CFH: variants seen among roughly 807,000 people sequenced by gnomAD.
The protein encoded by CFH is H factor 1 (complement).
In CFH, 53 loss-of-function variants were observed where a neutral mutation model predicts 147.3. That is an observed-to-expected ratio of 0.36 (90% CI 0.29 to 0.45). The LOEUF is 0.45. CFH is among the 20% of genes least tolerant of loss of function. The pLI is 1.00. For missense variants in CFH, 1,380 were observed against 1,498.0 expected (o/e 0.92, Z 1.30); for synonymous variants, 536 against 489.4 (o/e 1.10, Z -1.26).
At chr1:196,653,876 T>C (rs559028340) in intron 1 of CFH, among the ~76,000 whole-genome samples, 2 of 152,240 alleles carry the variant, frequency 1.3e-5, no homozygotes, top group East Asian at 3.9e-4. Flanking sequence ...CACAACTTTG[T>C]ATTTAAAGCA....
At chr1:196,660,374 A>G (rs499807) in intron 1 of CFH, among the ~76,000 whole-genome samples, 13,391 of 152,234 alleles carry the variant, frequency 0.088, 1,761 homozygotes, top group African/African-American at 0.29. Flanking sequence ...CAAACCAAGG[A>G]AAGGAGTTAG....
chr1:196,726,739 T>C (rs1012039473), intron 13 of CFH, 22 bp from the exon 14 acceptor site: 2 of 1,611,320 alleles, frequency 1.2e-6, no homozygotes, highest in South Asian at 1.1e-5. Flanking sequence ...CACAATAAAC[T>C]TTTTTTGTAA....
intron 6 of CFH, among the ~76,000 whole-genome samples, chr1:196,684,432 C>T (rs748807589): frequency 1.1e-4 from 16 of 152,072 alleles, no homozygotes; most frequent in Middle Eastern, 6.8e-3. Context: ...TTCATGTTCA[C>T]TGTCAATGTA....
chr1:196,671,558 G>A (rs1667277786), intron 1 of CFH, among the ~76,000 whole-genome samples: 4 of 145,714 alleles, frequency 2.7e-5, no homozygotes. Context: ...TCAAGAATCT[G>A]GTTGGTTTCT....
rs1205258295 is a variant in CFH at position 196,726,934 on chromosome 1, T to C, written c.2230T>C (p.Cys744Arg). ...TGGAGTATGGACCCAACTTCCCCAG[T>C]GTGTGGGTGAGAATACCCTTCTTAA... ...IHGVWTQLPQ[C>R]VAIDKLKKCK... Residue 744 changes from cysteine to arginine, a missense_variant, in exon 14 of 22, where the codon TGT becomes CGT. Transcript: ENST00000367429. The C allele has an allele frequency of 6.2e-7, 1 of 1,612,568 alleles. No individual in the cohort carries two copies. The highest frequency in any genetic ancestry group is 8.5e-7 in the Non-Finnish European group (1 of 1,178,660).
chr1:196,655,153 A>G (rs1332779564), intron 1 of CFH, among the ~76,000 whole-genome samples: 2 of 152,192 alleles, frequency 1.3e-5, no homozygotes, highest in Non-Finnish European at 2.9e-5. Flanking sequence ...TTGAATTATT[A>G]TCATCTGACA....
intron 9 of CFH, among the ~76,000 whole-genome samples, chr1:196,711,978 A>C (rs182950915): frequency 1.3e-5 from 2 of 152,154 alleles, no homozygotes; most frequent in East Asian, 1.9e-4. Context: ...ATTCTAGTGA[A>C]CTCATCTTCT....
intron 9 of CFH, among the ~76,000 whole-genome samples, chr1:196,704,918 T>C (rs992798084): frequency 1.3e-5 from 2 of 152,192 alleles, no homozygotes; most frequent in African/African-American, 4.8e-5. Context: ...TGGTGTTCAG[T>C]CTTGAATCTG....
chr1:196,734,592 G>A lies in CFH; in HGVS notation c.2414-2232G>A, dbSNP rs144917199. ...ACTTTAGGGGGTTGCAGGAGGCTTTGAACTGGTTTCTTGATTTCTCATAAA... is the reference window on the plus strand; with the variant it reads ...ACTTTAGGGGGTTGCAGGAGGCTTTAAACTGGTTTCTTGATTTCTCATAAA... On this transcript the variant is annotated intron_variant, in intron 15 of 21. Coordinates refer to ENST00000367429, the MANE Select transcript of CFH (RefSeq NM_000186.4). Among the ~76,000 whole-genome samples the A allele has an allele frequency of 7.3e-4, 111 of 152,082 alleles. 1 individual carries two copies. The highest frequency in any genetic ancestry group is 2.6e-3 in the African/African-American group (106 of 41,532).
At chr1:196,739,721 C>T (rs1247355755) in intron 17 of CFH, among the ~76,000 whole-genome samples, 1 of 152,180 alleles carries the variant, frequency 6.6e-6, no homozygotes, top group Non-Finnish European at 1.5e-5. Context: ...CTGTCTTCTT[C>T]TGACCCCTCC....
intron 9 of CFH, among the ~76,000 whole-genome samples, chr1:196,691,004 C>G (rs992455183): frequency 2.0e-5 from 3 of 152,068 alleles, no homozygotes; most frequent in Admixed American, 1.3e-4. Context: ...TTCCAGCTTG[C>G]TTGTCTATGT....
intron 9 of CFH, chr1:196,700,927 C>A: frequency 2.2e-6 from 2 of 911,958 alleles, no homozygotes; most frequent in Middle Eastern, 5.6e-4. Context: ...GCTGGCACCC[C>A]ATTTCCTTCT....
At chr1:196,744,929 A>T (rs1195536438) in intron 20 of CFH, among the ~76,000 whole-genome samples, 1 of 152,026 alleles carries the variant, frequency 6.6e-6, no homozygotes, top group Non-Finnish European at 1.5e-5. Flanking sequence ...GTCTGTATTG[A>T]TCCCCTTACT....
chr1:196,682,983 TTA>T (rs1667706211), intron 6 of CFH, among the ~76,000 whole-genome samples: 2 of 77,328 alleles, frequency 2.6e-5, no homozygotes, highest in South Asian at 8.9e-4. Context: ...TTATAAAATT[TTA>T]TGTTTGACTA....
chr1:196,733,170 A>G (rs1289766080), intron 15 of CFH, among the ~76,000 whole-genome samples: 1 of 152,026 alleles, frequency 6.6e-6, no homozygotes, highest in African/African-American at 2.4e-5. Flanking sequence ...GAAGTGCCAA[A>G]CTTTGGCTTT....
rs1666521255 is a variant in CFH, at chr1:196,652,159, T to C, written c.42T>C (p.Ala14=). 1.2e-6 allele frequency: 2 copies of C among 1,611,820 alleles called. No homozygotes were observed. Among genetic ancestry groups the C allele is most frequent in the Non-Finnish European group, 1.7e-6 (2 of 1,177,988 alleles). The change falls in exon 1 of 22, where the codon GCT becomes GCC. Residue 14 remains alanine, a synonymous_variant. Coordinates refer to ENST00000367429, the MANE Select transcript of CFH (RefSeq NM_000186.4). ...AGATTATTTGCCTTATGTTATGGGC[T>C]ATTTGTGTAGCAGAAGGTAAGATTA... ...LAKIICLMLW[A]ICVAEDCNEL... is the part of the protein sequence containing the mutation.
intron 11 of CFH, among the ~76,000 whole-genome samples, chr1:196,719,511 CT>C (rs1668948418): frequency 6.6e-6 from 1 of 151,836 alleles, no homozygotes; most frequent in African/African-American, 2.4e-5. Context: ...TGTGACATTA[CT>C]TTTAAGAATA....
At chr1:196,704,935 G>A (rs1668550335) in intron 9 of CFH, among the ~76,000 whole-genome samples, 1 of 152,180 alleles carries the variant, frequency 6.6e-6, no homozygotes, top group South Asian at 2.1e-4. Flanking sequence ...TCTGAAGGAT[G>A]CCTTCATCTG....
intron 5 of CFH, 105 bp from the exon 6 acceptor site, chr1:196,679,518 T>C: frequency 1.2e-6 from 1 of 820,634 alleles, no homozygotes; most frequent in South Asian, 1.7e-5. Flanking sequence ...TTTGGTTGAC[T>C]GATTTACCTG....
Sources: gnomAD v4.1 joint callset for allele counts (sites outside exome capture counted in the v4.1 genomes callset) on GRCh38, gnomAD v4.1.1 for gene constraint, MANE v1.5 for transcripts, NCBI Gene and HGNC (gene_info 2026-07-23, HGNC 2026-07-21) for gene names.